RELN: variants seen among roughly 807,000 people sequenced by gnomAD.
RELN encodes the protein reelin.
RELN carries 108 observed loss-of-function variants against 427.6 expected under a neutral mutation model. The ratio of observed to expected loss-of-function variants is 0.25; its 90% CI spans 0.22 to 0.30. The LOEUF is 0.30. Ranked by LOEUF, RELN falls within the 10% of genes least tolerant of loss-of-function variation. RELN has a pLI of 1.00. For synonymous variants in RELN, 1,524 were observed against 1,513.4 expected, an observed-to-expected ratio of 1.01 and a Z score of -0.16; for missense variants, 3,715 against 4,302.8, an observed-to-expected ratio of 0.86 and a Z score of 3.82.
At chr7:103,570,197 G>A (rs1204981034) in intron 31 of RELN, among the ~76,000 whole-genome samples, 2 of 152,060 alleles carry the variant, frequency 1.3e-5, no homozygotes, top group Non-Finnish European at 2.9e-5. Flanking sequence ...GCATCACAGG[G>A]CAGAAAATAG....
intron 3 of RELN, among the ~76,000 whole-genome samples, chr7:103,789,881 C>T (rs1401281866): frequency 6.6e-6 from 1 of 152,132 alleles, no homozygotes; most frequent in East Asian, 1.9e-4. Context: ...GACACATGCA[C>T]ATGTATGTTT....
chr7:103,479,677 TC>T (rs1828162325), intron 63 of RELN, among the ~76,000 whole-genome samples: 1 of 152,142 alleles, frequency 6.6e-6, no homozygotes, highest in Non-Finnish European at 1.5e-5. Context: ...GAAAATCAAA[TC>T]CTTCCACATG....
At chr7:103,986,668 T>C (rs962847818) in intron 1 of RELN, among the ~76,000 whole-genome samples, 4 of 145,806 alleles carry the variant, frequency 2.7e-5, no homozygotes, top group African/African-American at 1.0e-4. Context: ...AACTATCAGC[T>C]CTACACCTAA....
At chr7:103,649,790 T>C (rs1429161741) in intron 16 of RELN, among the ~76,000 whole-genome samples, 1 of 151,994 alleles carries the variant, frequency 6.6e-6, no homozygotes, top group Admixed American at 6.6e-5. Flanking sequence ...TATACTATTT[T>C]CTGAAAAGGA....
At position 103,542,727 on chromosome 7, in the gene RELN, T is replaced by A. The variant is rs1830200491; in HGVS notation, c.6671+4A>T. Reference sequence around the variant, plus strand: ...TTTTTTCAACAGCATCTAAAAATGATTACCTAGCATGTGATAAATCCAGGT... The same window carrying A: ...TTTTTTCAACAGCATCTAAAAATGAATACCTAGCATGTGATAAATCCAGGT... On this transcript the variant is annotated splice_donor_region_variant and intron_variant, in intron 43 of 64. Transcript: ENST00000428762. The A allele has an allele frequency of 6.2e-7, 1 of 1,614,064 alleles. No individual in the cohort carries two copies. The highest frequency in any genetic ancestry group is 8.5e-7 in the Non-Finnish European group (1 of 1,179,922).
chr7:103,699,472 G>C (rs1389273759), intron 9 of RELN, among the ~76,000 whole-genome samples: 1 of 152,102 alleles, frequency 6.6e-6, no homozygotes, highest in African/African-American at 2.4e-5. Context: ...AATTTGCATT[G>C]GTTTGGTACA....
At chr7:103,519,632 G>A in intron 48 of RELN, 116 bp from the exon 49 acceptor site, 1 of 737,346 alleles carries the variant, frequency 1.4e-6, no homozygotes, top group Non-Finnish European at 2.3e-6. Context: ...ACCTAGGCTG[G>A]AGTGCAGTGG....
intron 3 of RELN, among the ~76,000 whole-genome samples, chr7:103,790,499 TAAGCACTTAATGCTTTTGTTATG>T (rs1194132153): frequency 6.6e-6 from 1 of 152,136 alleles, no homozygotes; most frequent in Non-Finnish European, 1.5e-5. Context: ...AATATGGGCA[TAAGCACTTAATGCTTTTGTTATG>T]AACTTCATGT....
intron 4 of RELN, among the ~76,000 whole-genome samples, chr7:103,760,523 C>T (rs1263917128): frequency 6.6e-6 from 1 of 151,912 alleles, no homozygotes; most frequent in African/African-American, 2.4e-5. Flanking sequence ...ACAAATTACT[C>T]AGTGCAAAGA....
At chr7:103,791,213 T>C (rs979021215) in intron 3 of RELN, among the ~76,000 whole-genome samples, 2 of 152,150 alleles carry the variant, frequency 1.3e-5, no homozygotes, top group African/African-American at 4.8e-5. Context: ...GCATGATACC[T>C]CTCAAAATCT....
intron 28 of RELN, among the ~76,000 whole-genome samples, chr7:103,576,578 G>C (rs1831007866): frequency 6.6e-6 from 1 of 152,220 alleles, no homozygotes. Flanking sequence ...GATATCTGCA[G>C]AAGAGGCTGT....
chr7:103,949,088 T>C (rs1027414681), intron 1 of RELN, among the ~76,000 whole-genome samples: 1 of 148,200 alleles, frequency 6.7e-6, no homozygotes, highest in Non-Finnish European at 1.5e-5. Flanking sequence ...CACACATACA[T>C]GCACACACAC....
rs979287953 is a variant in RELN at position 103,987,175 on chromosome 7, A to C, written c.226+1956T>G. On this transcript the variant is annotated intron_variant, in intron 1 of 64. Coordinates refer to ENST00000428762, the MANE Select transcript of RELN (RefSeq NM_005045.4). ...AGATAACAGAAATTTAAAATCTGACACAATTCTCAAAGCTTATAATAATTT... is the reference window on the plus strand; with the variant it reads ...AGATAACAGAAATTTAAAATCTGACCCAATTCTCAAAGCTTATAATAATTT... Among the ~76,000 whole-genome samples the C allele has an allele frequency of 7.9e-5, 12 of 152,272 alleles. 1 individual carries two copies. The South Asian group carries it at 1.9e-3, about 24-fold the overall frequency.
chr7:103,698,640 G>A (rs1834028489), intron 9 of RELN, among the ~76,000 whole-genome samples: 1 of 152,050 alleles, frequency 6.6e-6, no homozygotes, highest in Non-Finnish European at 1.5e-5. Flanking sequence ...AGCATCTTGA[G>A]TAGCTAGGAC....
intron 2 of RELN, among the ~76,000 whole-genome samples, chr7:103,905,345 C>T (rs1317639278): frequency 6.6e-6 from 1 of 152,114 alleles, no homozygotes; most frequent in Non-Finnish European, 1.5e-5. Context: ...GTGTCTGCCA[C>T]CTCCAGGAGA....
intron 2 of RELN, among the ~76,000 whole-genome samples, chr7:103,887,338 C>T (rs767421285): frequency 6.6e-5 from 10 of 152,154 alleles, no homozygotes; most frequent in Admixed American, 1.3e-4. Context: ...GGTTCATAGG[C>T]CCTAGCCATT....
At chr7:103,660,267 T>C (rs1441256869) in intron 12 of RELN, among the ~76,000 whole-genome samples, 2 of 152,124 alleles carry the variant, frequency 1.3e-5, no homozygotes, top group Admixed American at 6.6e-5. Flanking sequence ...TTTCCAGGAA[T>C]CCCTTTTGAT....
intron 28 of RELN, 107 bp from the exon 29 acceptor site, chr7:103,575,812 A>G (rs1203572287): frequency 8.0e-7 from 1 of 1,256,684 alleles, no homozygotes; most frequent in Non-Finnish European, 1.2e-6. Context: ...TATTTATTTG[A>G]AAGTCATGTC....
chr7:103,940,824 G>A (rs12705170), intron 1 of RELN, among the ~76,000 whole-genome samples: 27,299 of 152,176 alleles, frequency 0.18, 3,188 homozygotes, highest in Admixed American at 0.25. Context: ...AGTTTCCACA[G>A]TTATTTTGTT....
Sources: allele counts gnomAD v4.1 joint callset (sites outside exome capture counted in the v4.1 genomes callset), GRCh38; gene constraint gnomAD v4.1.1; transcripts MANE v1.5; gene names NCBI Gene and HGNC (gene_info 2026-07-23, HGNC 2026-07-21).